PTPN11: variants seen among roughly 807,000 people sequenced by gnomAD.
PTPN11 encodes tyrosine-protein phosphatase non-receptor type 11.
In PTPN11, 6 loss-of-function variants were observed where a neutral mutation model predicts 78.8. The observed-to-expected ratio is 0.08, with a 90% CI of 0.04 to 0.15. PTPN11 has a LOEUF of 0.15. PTPN11 is among the 10% of genes least tolerant of loss of function. The pLI, the probability that PTPN11 is intolerant of heterozygous loss-of-function variation, is 1.00. For synonymous variants in PTPN11, 221 were observed against 263.5 expected, an observed-to-expected ratio of 0.84 and a Z score of 1.56; for missense variants, 386 against 744.8, an observed-to-expected ratio of 0.52 and a Z score of 5.61.
At chr12:112,444,875 C>T (rs1375976537) in intron 1 of PTPN11, among the ~76,000 whole-genome samples, 1 of 152,114 alleles carries the variant, frequency 6.6e-6, no homozygotes, top group African/African-American at 2.4e-5. Context: ...AGTTCATCTT[C>T]TTACTTTTAC....
intron 1 of PTPN11, among the ~76,000 whole-genome samples, chr12:112,419,712 TA>T (rs2037491533): frequency 6.6e-6 from 1 of 152,170 alleles, no homozygotes. Context: ...CCACTAGAAG[TA>T]TTTCCTTCCT....
intron 13 of PTPN11, 45 bp downstream of exon 13, chr12:112,489,220 G>A: frequency 6.2e-7 from 1 of 1,609,840 alleles, no homozygotes; most frequent in Non-Finnish European, 8.5e-7. Context: ...TCTCTTGCTA[G>A]GCCTCTTGGA....
At chr12:112,444,894 C>T (rs747189304) in intron 1 of PTPN11, among the ~76,000 whole-genome samples, 4 of 152,080 alleles carry the variant, frequency 2.6e-5, no homozygotes, top group Admixed American at 6.6e-5. Context: ...ACTGCCCCAA[C>T]GCTGGGATCA....
chr12:112,436,229 CAT>C (rs1463314326), intron 1 of PTPN11, among the ~76,000 whole-genome samples: 6 of 152,008 alleles, frequency 3.9e-5, no homozygotes, highest in Admixed American at 2.0e-4. Context: ...ATTAATGAAA[CAT>C]AATCTATGGT....
chr12:112,425,782 G>T (rs747330110), intron 1 of PTPN11, among the ~76,000 whole-genome samples: 3 of 152,120 alleles, frequency 2.0e-5, no homozygotes, highest in Non-Finnish European at 4.4e-5. Context: ...AGGCTGGAGG[G>T]CAATGTTGCA....
chr12:112,419,021 C>A lies in PTPN11; in HGVS notation c.-91C>A, dbSNP rs1016560323. On this transcript the variant is annotated 5_prime_UTR_variant, in exon 1 of 16. Coordinates refer to ENST00000351677, the MANE Select transcript of PTPN11 (RefSeq NM_002834.5). Reference sequence around the variant, plus strand: ...GCTCTGCCCCGCGTCCGGTCCCGAGCGGGCCTCCCTCGGGCCAGCCCGATG... The same window carrying A: ...GCTCTGCCCCGCGTCCGGTCCCGAGAGGGCCTCCCTCGGGCCAGCCCGATG... 5 of 1,493,242 alleles carry A rather than the reference C, an allele frequency of 3.3e-6. No homozygotes were observed. Among genetic ancestry groups the A allele is most frequent in the Non-Finnish European group, 2.7e-6 (3 of 1,110,800 alleles). 92.5% of individuals were successfully genotyped at this position (1,493,242 alleles called of 1,614,324 possible).
intron 14 of PTPN11, among the ~76,000 whole-genome samples, chr12:112,503,661 CA>C (rs2038903142): frequency 6.6e-6 from 1 of 152,302 alleles, no homozygotes; most frequent in African/African-American, 2.4e-5. Context: ...GAGTCCTTGC[CA>C]GACAGCTCGT....
At chr12:112,496,905 G>A (rs118040929) in intron 13 of PTPN11, among the ~76,000 whole-genome samples, 1 of 152,038 alleles carries the variant, frequency 6.6e-6, no homozygotes, top group Non-Finnish European at 1.5e-5. Flanking sequence ...TCTGTAATGG[G>A]TCAGGCCTAT....
At chr12:112,479,330 A>G (rs2038559132) in intron 9 of PTPN11, among the ~76,000 whole-genome samples, 1 of 152,106 alleles carries the variant, frequency 6.6e-6, no homozygotes, top group Non-Finnish European at 1.5e-5. Context: ...ATATCCTTTA[A>G]TTGGTTTATA....
At chr12:112,494,099 A>T (rs2038786563) in intron 13 of PTPN11, among the ~76,000 whole-genome samples, 1 of 152,134 alleles carries the variant, frequency 6.6e-6, no homozygotes, top group Admixed American at 6.6e-5. Context: ...CCAAAAATAT[A>T]AAAAATTAGC....
chr12:112,478,309 A>T (rs1001019291), intron 9 of PTPN11, among the ~76,000 whole-genome samples: 32 of 151,910 alleles, frequency 2.1e-4, no homozygotes, highest in African/African-American at 7.5e-4. Context: ...ATGGTGGCTC[A>T]TGCCTGTAGT....
rs780545911 is a variant in PTPN11 at position 112,478,031 on chromosome 12, T to C, written c.1092+16T>C. ...GAGAGGAAAGGTAAATCACAGAAAC[T>C]TCTTTTCTGCTAAACTGTTTTTAAA... On this transcript the variant is annotated intron_variant, in intron 9 of 15. Transcript: ENST00000351677. 2.5e-6 allele frequency: 4 copies of C among 1,613,598 alleles called. No individual in the cohort carries two copies. The African/African-American group carries it at 5.3e-5, about 22-fold the overall frequency.
intron 1 of PTPN11, among the ~76,000 whole-genome samples, chr12:112,419,771 T>G (rs1433142923): frequency 6.6e-6 from 1 of 152,234 alleles, no homozygotes; most frequent in Non-Finnish European, 1.5e-5. Context: ...CCGCATCTCG[T>G]TATTTAATCC....
chr12:112,505,301 C>G (rs995218204), intron 15 of PTPN11, among the ~76,000 whole-genome samples: 1 of 152,176 alleles, frequency 6.6e-6, no homozygotes, highest in African/African-American at 2.4e-5. Context: ...ATTCATCTCT[C>G]CCATATGTTG....
chr12:112,419,890 G>T (rs751317022), intron 1 of PTPN11, among the ~76,000 whole-genome samples: 5 of 152,174 alleles, frequency 3.3e-5, no homozygotes, highest in Non-Finnish European at 7.4e-5. Context: ...TGAAACTTAG[G>T]AGGATTAGTG....
At chr12:112,426,913 A>G (rs2037624506) in intron 1 of PTPN11, among the ~76,000 whole-genome samples, 1 of 152,168 alleles carries the variant, frequency 6.6e-6, no homozygotes, top group African/African-American at 2.4e-5. Flanking sequence ...CTGAGATTAC[A>G]GGTGTGAGCC....
intron 7 of PTPN11, among the ~76,000 whole-genome samples, chr12:112,477,178 G>C (rs1025662160): frequency 2.6e-5 from 4 of 151,980 alleles, no homozygotes; most frequent in African/African-American, 9.7e-5. Context: ...CAACATGCCT[G>C]GCTAATTTTT....
At chr12:112,443,841 A>T (rs762175527) in intron 1 of PTPN11, among the ~76,000 whole-genome samples, 6 of 150,628 alleles carry the variant, frequency 4.0e-5, no homozygotes, top group African/African-American at 1.5e-4. Flanking sequence ...TTTTGTAGAG[A>T]CTGGGTTTCG....
intron 2 of PTPN11, 112 bp from the exon 3 acceptor site, chr12:112,450,206 C>G (rs2038059681): frequency 1.0e-6 from 1 of 992,796 alleles, no homozygotes; most frequent in East Asian, 2.4e-5. Context: ...AAATTCGTTC[C>G]TTGGGTTTCT....
Sources: gnomAD v4.1 joint callset for allele counts (sites outside exome capture counted in the v4.1 genomes callset) on GRCh38, gnomAD v4.1.1 for gene constraint, MANE v1.5 for transcripts, NCBI Gene and HGNC (gene_info 2026-07-23, HGNC 2026-07-21) for gene names.